The following OSBPL10 variants were observed in gnomAD, a reference collection of about 807,000 sequenced individuals.
The protein encoded by OSBPL10 is oxysterol-binding protein-related protein 10.
In OSBPL10, 49 loss-of-function variants were observed where a neutral mutation model predicts 81.7. That is an observed-to-expected ratio of 0.60 (90% confidence interval 0.48 to 0.76). The LOEUF is 0.76. Ranked by LOEUF, OSBPL10 falls within the 30% of genes least tolerant of loss-of-function variation. The probability of loss-of-function intolerance (pLI) is 0.00; values close to 1 mark genes in which losing one functional copy is unlikely to be tolerated. For missense variants in OSBPL10, 923 were observed against 987.8 expected (o/e 0.93, Z 0.88); for synonymous variants, 419 against 383.6 (o/e 1.09, Z -1.08).
chr3:31,793,751 A>G (rs576387529), intron 4 of OSBPL10, among the ~76,000 whole-genome samples: 7 of 152,380 alleles, frequency 4.6e-5, no homozygotes, highest in Middle Eastern at 3.4e-3. Context: ...TTTAAAAACT[A>G]GAATTTAAAA....
chr3:32,037,628 CTA>C, intron 2 of OSBPL10: 1 of 205,928 alleles, frequency 4.9e-6, no homozygotes, highest in East Asian at 1.5e-4. Flanking sequence ...TTTGATGGTG[CTA>C]TGTTTTCTTG....
intron 3 of OSBPL10, among the ~76,000 whole-genome samples, chr3:31,874,143 CTTTAA>C (rs1413402234): frequency 4.0e-5 from 6 of 150,856 alleles, no homozygotes; most frequent in African/African-American, 1.2e-4. Flanking sequence ...ATTAGGAAGG[CTTTAA>C]TTTTTCTTCT....
chr3:32,010,742 C>A (rs576157416), intron 2 of OSBPL10, among the ~76,000 whole-genome samples: 1 of 152,324 alleles, frequency 6.6e-6, no homozygotes, highest in South Asian at 2.1e-4. Context: ...CACTCCCACC[C>A]TAATACTGCG....
At chr3:31,793,369 A>G (rs1380799084) in intron 4 of OSBPL10, among the ~76,000 whole-genome samples, 5 of 152,240 alleles carry the variant, frequency 3.3e-5, no homozygotes, top group Non-Finnish European at 7.3e-5. Context: ...ACCTCCTAGC[A>G]TAAATAATTT....
At chr3:31,949,593 G>A (rs543482729) in intron 1 of OSBPL10, among the ~76,000 whole-genome samples, 155 of 141,532 alleles carry the variant, frequency 1.1e-3, no homozygotes, top group African/African-American at 3.9e-3. Flanking sequence ...ACGTGAACCC[G>A]GGAGGTGGAG....
intron 1 of OSBPL10, among the ~76,000 whole-genome samples, chr3:31,936,936 A>G (rs1461073261): frequency 6.6e-6 from 1 of 151,536 alleles, no homozygotes; most frequent in Non-Finnish European, 1.5e-5. Context: ...AGATACCAGG[A>G]AAAAAAAAGA....
chr3:31,932,197 C>T (rs932202594), intron 1 of OSBPL10, among the ~76,000 whole-genome samples: 4 of 152,008 alleles, frequency 2.6e-5, no homozygotes, highest in African/African-American at 4.8e-5. Context: ...GAAAACCAAA[C>T]ACTGTTATTT....
intron 1 of OSBPL10, among the ~76,000 whole-genome samples, chr3:31,883,783 C>G (rs1695658938): frequency 6.6e-6 from 1 of 152,192 alleles, no homozygotes; most frequent in African/African-American, 2.4e-5. Context: ...CTCGGCCTCC[C>G]CACGTGCTGG....
At chr3:31,865,303 C>T (rs1171464996) in intron 3 of OSBPL10, among the ~76,000 whole-genome samples, 1 of 152,200 alleles carries the variant, frequency 6.6e-6, no homozygotes, top group Admixed American at 6.5e-5. Flanking sequence ...GATGTGGCTA[C>T]TGAGCACTTG....
intron 2 of OSBPL10, chr3:31,990,867 T>G: frequency 6.3e-7 from 1 of 1,577,912 alleles, no homozygotes; most frequent in Non-Finnish European, 8.6e-7. Context: ...ATCACAAGTG[T>G]GATGATTGTG....
At chr3:31,667,023 G>T (rs1040076415) in intron 10 of OSBPL10, among the ~76,000 whole-genome samples, 2 of 152,204 alleles carry the variant, frequency 1.3e-5, no homozygotes, top group African/African-American at 4.8e-5. Context: ...GCTCTAAGCT[G>T]AATTCTGCAT....
At chr3:31,948,615 A>G (rs1317114969) in intron 1 of OSBPL10, among the ~76,000 whole-genome samples, 2 of 152,204 alleles carry the variant, frequency 1.3e-5, no homozygotes, top group African/African-American at 2.4e-5. Context: ...CTGACTTTAT[A>G]AAGTTTCACG....
intron 2 of OSBPL10, among the ~76,000 whole-genome samples, chr3:32,003,742 C>T (rs1225078176): frequency 6.6e-6 from 1 of 152,100 alleles, no homozygotes; most frequent in African/African-American, 2.4e-5. Context: ...TGTAGCTCTG[C>T]AGGGCACTGC....
intron 3 of OSBPL10, among the ~76,000 whole-genome samples, 184 bp from the exon 4 acceptor site, chr3:31,830,415 CTTAGCTGCCCTTCT>C (rs1454306059): frequency 6.6e-6 from 1 of 152,200 alleles, no homozygotes; most frequent in African/African-American, 2.4e-5. Flanking sequence ...ACTGCCCTTC[CTTAGCTGCCCTTCT>C]GGTTTCATCT....
chr3:31,929,723 G>T (rs1411068247), intron 1 of OSBPL10, among the ~76,000 whole-genome samples: 1 of 149,658 alleles, frequency 6.7e-6, no homozygotes, highest in Admixed American at 6.7e-5. Flanking sequence ...ACTCCAGCCT[G>T]GGCGACAGGG....
intron 1 of OSBPL10, among the ~76,000 whole-genome samples, chr3:31,950,793 T>C (rs990457036): frequency 1.3e-5 from 2 of 152,162 alleles, no homozygotes; most frequent in Admixed American, 6.5e-5. Context: ...GAGCTGGTTG[T>C]TTAAAGGAGC....
chr3:31,719,264 A>T (rs1696556750), intron 6 of OSBPL10, among the ~76,000 whole-genome samples: 1 of 152,208 alleles, frequency 6.6e-6, no homozygotes, highest in African/African-American at 2.4e-5. Flanking sequence ...GTTTGTTGTT[A>T]CTGCTTCTTA....
chr3:31,990,265 A>G, intron 2 of OSBPL10: 2 of 1,614,088 alleles, frequency 1.2e-6, no homozygotes, highest in East Asian at 2.2e-5. Context: ...TGGTATAGGG[A>G]AACTTTATAA....
At chr3:32,012,336 C>A (rs1699268192) in intron 2 of OSBPL10, among the ~76,000 whole-genome samples, 1 of 152,138 alleles carries the variant, frequency 6.6e-6, no homozygotes, top group Admixed American at 6.5e-5. Context: ...CATATCCAGC[C>A]AAACTAAGCT....
Sources: allele counts gnomAD v4.1 joint callset (sites outside exome capture counted in the v4.1 genomes callset), GRCh38; gene constraint gnomAD v4.1.1; transcripts MANE v1.5; gene names NCBI Gene and HGNC (gene_info 2026-07-23, HGNC 2026-07-21).